Variants in KRT74 observed in about 807,000 individuals in gnomAD.
KRT74 encodes keratin, type II cytoskeletal 74.
Under a neutral mutation model 42.7 loss-of-function variants are expected in KRT74, and 43 were observed. The ratio of observed to expected loss-of-function variants is 1.01; its 90% CI spans 0.79 to 1.30. The LOEUF (loss-of-function observed/expected upper bound fraction) is 1.30, where lower values mean the gene tolerates loss of function less well. Among genes scored for constraint, KRT74 ranks in the 50% most tolerant of loss-of-function variants. The pLI, the probability that KRT74 is intolerant of heterozygous loss-of-function variation, is 0.00. For missense variants in KRT74, 736 were observed against 689.1 expected (o/e 1.07, Z -0.76); for synonymous variants, 302 against 279.0 (o/e 1.08, Z -0.82).
chr12:52,569,591 G>T (rs987113740), intron 6 of KRT74: 5 of 600,344 alleles, frequency 8.3e-6, no homozygotes, highest in East Asian at 2.8e-5. Context: ...TGGGGGCTCT[G>T]GGAAAGTCCC....
rs545373757 is a variant in KRT74, at chr12:52,569,210, C to T, written c.1134+649G>A. On this transcript the variant is annotated intron_variant, in intron 6 of 8. Coordinates refer to ENST00000305620, the MANE Select transcript of KRT74 (RefSeq NM_175053.4). ...CCTCCAGCCTCCAATATCATCTCCC[C>T]ACTGACGCAGTGTTTAAAATTTGCT... 2.0e-5 allele frequency among the ~76,000 whole-genome samples: 3 copies of T among 152,234 alleles called. No individual in the cohort carries two copies. The South Asian group carries it at 6.2e-4, about 32-fold the overall frequency.
At chr12:52,571,211 G>A (rs756668624) in intron 4 of KRT74, 148 bp downstream of exon 4, 4 of 680,084 alleles carry the variant, frequency 5.9e-6, no homozygotes, top group Non-Finnish European at 1.1e-5. Flanking sequence ...CCAGCATCCT[G>A]CACTTCCATG....
chr12:52,566,950 G>T lies in KRT74; in HGVS notation c.*19C>A, dbSNP rs745832335. The T allele has an allele frequency of 5.6e-6, 9 of 1,601,602 alleles. No individual in the cohort carries two copies. The South Asian group carries it at 6.7e-5, about 12-fold the overall frequency. ...AGTCACCTCTTCTTCCAAGTGCTGA[G>T]GTGGGTGAGGCCATGGGTCTAGCGG... is the stretch of plus-strand genomic sequence containing the variant. On this transcript the variant is annotated 3_prime_UTR_variant, in exon 9 of 9. Transcript: ENST00000305620.
At chr12:52,569,563 G>C in intron 6 of KRT74, 1 of 600,454 alleles carries the variant, frequency 1.7e-6, no homozygotes, top group Non-Finnish European at 3.0e-6. Flanking sequence ...TCTAATCCTA[G>C]CTCCATTCAT....
chr12:52,568,158 AC>A lies in KRT74; in HGVS notation c.1355+10del, dbSNP rs1939411886. On this transcript the variant is annotated intron_variant, in intron 7 of 8. Coordinates refer to ENST00000305620, the MANE Select transcript of KRT74 (RefSeq NM_175053.4). ...AGTCCCTTCTCACACTTTCCCCTCC[AC>A]CCCACCTACCTGCACTCCTCGCCCT... 6.2e-7 allele frequency: 1 copy of A among 1,613,550 alleles called. No individual in the cohort carries two copies. Among genetic ancestry groups the A allele is most frequent in the African/African-American group, 1.3e-5 (1 of 74,842 alleles).
chr12:52,567,268 C>A, intron 8 of KRT74, 100 bp from the exon 9 acceptor site: 1 of 1,001,538 alleles, frequency 1.0e-6, no homozygotes, highest in Admixed American at 2.8e-5. Context: ...ACAACAACAC[C>A]TCATTTAATC....
At position 52,567,075 on chromosome 12, in the gene KRT74, G is replaced by A. The variant is rs767249524; in HGVS notation, c.1484C>T (p.Thr495Ile). The change falls in exon 9 of 9, where the codon ACC (threonine) becomes ATC (isoleucine). Residue 495 changes from threonine to isoleucine, a missense_variant. Transcript: ENST00000305620. ...TGTGGTCTTGGTCTGCCCGCTCTGGGTGCTGCCAGAGCTGCCTGCCACAGC... is the reference window on the plus strand; with the variant it reads ...TGTGGTCTTGGTCTGCCCGCTCTGGATGCTGCCAGAGCTGCCTGCCACAGC... ...ASAVAGSSGS[T>I]QSGQTKTTEA... 1.3e-6 allele frequency: 2 copies of A among 1,596,754 alleles called. No individual in the cohort carries two copies. Among genetic ancestry groups the A allele is most frequent in the South Asian group, 2.2e-5 (2 of 89,966 alleles).
At position 52,570,752 on chromosome 12, in the gene KRT74, T is replaced by C. The variant is rs1317560550; in HGVS notation, c.925A>G (p.Ser309Gly). The C allele has an allele frequency of 6.2e-7, 1 of 1,614,260 alleles. No individual in the cohort carries two copies. The highest frequency in any genetic ancestry group is 1.7e-5 in the Admixed American group (1 of 60,034). The change falls in exon 5 of 9, where the codon AGC (serine) becomes GGC (glycine). Residue 309 changes from serine (S) to glycine (G), a missense_variant. Transcript: ENST00000305620. Reference sequence around the variant, plus strand: ...TGCATGCGGACCTCAGCGATGATGCTGTCAAGGTCCAGGTCCCGGTTGTTG... The same window carrying C: ...TGCATGCGGACCTCAGCGATGATGCCGTCAAGGTCCAGGTCCCGGTTGTTG... Reference protein sequence around the residue: ...MDNNRDLDLDSIIAEVRMHYE... With the variant: ...MDNNRDLDLDGIIAEVRMHYE...
intron 7 of KRT74, 48 bp downstream of exon 7, chr12:52,568,121 G>C (rs758962271): frequency 6.2e-7 from 1 of 1,608,104 alleles, no homozygotes; most frequent in Non-Finnish European, 8.5e-7. Context: ...AGCCAGACAG[G>C]AGCCACACCC....
chr12:52,568,337 G>T lies in KRT74; in HGVS notation c.1187C>A (p.Ala396Asp). 6.2e-7 allele frequency: 1 copy of T among 1,614,234 alleles called. No homozygotes were observed. The highest frequency in any genetic ancestry group is 8.5e-7 in the Non-Finnish European group (1 of 1,180,058). The change falls in exon 7 of 9, where the codon GCC (alanine) becomes GAC (aspartate). Residue 396 changes from alanine to aspartate, a missense_variant. By Grantham distance (126) the Ala-to-Asp change is moderately radical (BLOSUM62 -2). Transcript: ENST00000305620. ...CAGCTTGGCCTGGGCATCCTTCAGG[G>T]CATTGTCTCCCCGCTGCTCAGCGTC... Reference protein sequence around the residue: ...IADAEQRGDNALKDAQAKLDE... With the variant: ...IADAEQRGDNDLKDAQAKLDE...
Position 52,568,213 on chromosome 12 carries a change from C to T in KRT74, c.1311G>A (p.Met437Ile). 1 of 1,614,228 alleles carries T rather than the reference C, an allele frequency of 6.2e-7. No homozygotes were observed. Among genetic ancestry groups the T allele is most frequent in the Non-Finnish European group, 8.5e-7 (1 of 1,180,040 alleles). ...ELMSLKLALD[M>I]EIATYRKLLE... ...GCAGCTTGCGGTAGGTGGCAATCTC[C>T]ATGTCCAGGGCCAGTTTCAGGCTCA... is the stretch of plus-strand genomic sequence containing the variant. Residue 437 changes from methionine to isoleucine, a missense_variant, in exon 7 of 9, where the codon ATG (methionine) becomes ATA (isoleucine). Transcript: ENST00000305620.
chr12:52,572,544 G>A lies in KRT74; in HGVS notation c.595C>T (p.Arg199Trp), dbSNP rs557411058. 2.8e-5 allele frequency: 46 copies of A among 1,614,160 alleles called. No homozygotes were observed. Among genetic ancestry groups the A allele is most frequent in the African/African-American group, 2.3e-4 (17 of 75,030 alleles). Residue 199 changes from arginine to tryptophan, a missense_variant, in exon 2 of 9, where the codon CGG (arginine) becomes TGG (tryptophan). Transcript: ENST00000305620. ...PILEGYISNL[R>W]KQLETLSGDR... ...CCAGACAGTGTCTCCAGCTGCTTCC[G>A]CAGGTTGCTGATGTAGCCCTCAAGG...
rs1338840416 is a variant in KRT74, at chr12:52,571,365, A to C, written c.837T>G (p.Tyr279Ter). 1.9e-6 allele frequency: 3 copies of C among 1,599,764 alleles called. No individual in the cohort carries two copies. The highest frequency in any genetic ancestry group is 2.6e-6 in the Non-Finnish European group (3 of 1,166,950). ...DKEIKFLKCLYDAEIAQIQTH... is the reference protein window; with the variant it reads ...DKEIKFLKCL The stretch of plus-strand genomic sequence containing the variant: ...GGGACAGGAGTGTCCTTACTGCATC[A>C]TACAGACACTTGAGGAACTTGATTT... Residue 279 changes from tyrosine (Y) to a stop codon, truncating the protein, a stop_gained, in exon 4 of 9, where the codon TAT (tyrosine) becomes TAG (stop). Transcript: ENST00000305620. LOFTEE classifies it high-confidence loss of function.
chr12:52,567,575 G>C lies in KRT74; in HGVS notation c.1390+84C>G, dbSNP rs2120633937. ...AGACAGTAACAGAAGCTTCTTGGGA[G>C]GTGAGACAGTAAATGGAGGTGACAT... On this transcript the variant is annotated intron_variant, in intron 8 of 8. Transcript: ENST00000305620. 8 of 981,540 alleles carry C rather than the reference G, an allele frequency of 8.2e-6. 1 individual carries two copies. The highest frequency in any genetic ancestry group is 1.3e-5 in the Non-Finnish European group (8 of 602,738). The allele number at this position is 981,540 out of a possible 1,614,324, so 60.8% of individuals were successfully genotyped here.
Position 52,566,883 on chromosome 12 carries a change from G to T in KRT74, c.*86C>A. ...ACTACAGACAGTTTTAAAACTCAGGGCCTGGGAACTTGGGTGTGGCAGACA... is the reference window on the plus strand; with the variant it reads ...ACTACAGACAGTTTTAAAACTCAGGTCCTGGGAACTTGGGTGTGGCAGACA... On this transcript the variant is annotated 3_prime_UTR_variant, in exon 9 of 9. Coordinates refer to ENST00000305620, the MANE Select transcript of KRT74 (RefSeq NM_175053.4). The T allele has an allele frequency of 8.7e-7, 1 of 1,144,138 alleles. No individual in the cohort carries two copies. The highest frequency in any genetic ancestry group is 1.3e-6 in the Non-Finnish European group (1 of 789,554). 70.9% of individuals were successfully genotyped at this position (1,144,138 alleles called of 1,614,324 possible). A position where few individuals can be genotyped will look rare whatever the true frequency, so the allele number is the denominator to read the frequency against.
At chr12:52,570,933 G>A in intron 4 of KRT74, 100 bp from the exon 5 acceptor site, 1 of 1,353,546 alleles carries the variant, frequency 7.4e-7, no homozygotes, top group Non-Finnish European at 1.0e-6. Context: ...TAGGCTGCTA[G>A]GATCCACGGG....
Position 52,569,958 on chromosome 12 carries a change from A to G in KRT74, c.1035T>C (p.Ser345=), listed in dbSNP as rs532659839. The G allele has an allele frequency of 6.2e-7, 1 of 1,614,088 alleles. No individual in the cohort carries two copies. Among genetic ancestry groups the G allele is most frequent in the South Asian group, 1.1e-5 (1 of 91,076 alleles). The change falls in exon 6 of 9, where the codon AGT becomes AGC. Residue 345 remains serine, a synonymous_variant. Coordinates refer to ENST00000305620, the MANE Select transcript of KRT74 (RefSeq NM_175053.4). ...TKIQELQLAA[S]RHGDDLKHTR... ...TGTGTTTCAGGTCGTCACCATGCCG[A>G]CTGGCTGCCAGCTGCAGCTCCTGGA...
Position 52,570,654 on chromosome 12 carries a change from C to T in KRT74, c.1008+15G>A, listed in dbSNP as rs753723330. On this transcript the variant is annotated intron_variant, in intron 5 of 8. Transcript: ENST00000305620. The stretch of plus-strand genomic sequence containing the variant: ...GCGAAGGGCTGCTGTGGGAGGAGAC[C>T]CATTCGGTGACCACCTTGGTCTGGT... 1.9e-6 allele frequency: 3 copies of T among 1,614,140 alleles called. No homozygotes were observed. Among genetic ancestry groups the T allele is most frequent in the Admixed American group, 1.7e-5 (1 of 60,022 alleles).
At chr12:52,567,781 A>C in intron 7 of KRT74, 88 bp from the exon 8 acceptor site, 1 of 933,306 alleles carries the variant, frequency 1.1e-6, no homozygotes, top group Admixed American at 1.8e-5. Flanking sequence ...TACGTGCATC[A>C]TTTAAACTCA....
Sources: allele counts gnomAD v4.1 joint callset (sites outside exome capture counted in the v4.1 genomes callset), GRCh38; gene constraint gnomAD v4.1.1; transcripts MANE v1.5; gene names NCBI Gene and HGNC (gene_info 2026-07-23, HGNC 2026-07-21).